The following SUPT3H variants were observed in gnomAD, a reference collection of about 807,000 sequenced individuals.
SUPT3H encodes SPT3 homolog, SAGA and STAGA complex component.
A neutral mutation model predicts 44.3 loss-of-function variants in SUPT3H; 44 were observed. The ratio of observed to expected loss-of-function variants is 0.99; its 90% confidence interval spans 0.78 to 1.28. The LOEUF is 1.28. Among genes scored for constraint, SUPT3H ranks in the 50% most tolerant of loss-of-function variants. The pLI is 0.00. For synonymous variants in SUPT3H, 124 were observed against 125.6 expected, an observed-to-expected ratio of 0.99 and a Z score of 0.09; for missense variants, 380 against 387.1, an observed-to-expected ratio of 0.98 and a Z score of 0.15.
At chr6:44,964,676 C>G (rs1776536073) in intron 6 of SUPT3H, among the ~76,000 whole-genome samples, 1 of 152,080 alleles carries the variant, frequency 6.6e-6, no homozygotes, top group Admixed American at 6.6e-5. Context: ...TTTTTTAATT[C>G]CTCCAGCATC....
intron 10 of SUPT3H, among the ~76,000 whole-genome samples, chr6:44,876,877 T>G (rs1485874582): frequency 3.4e-5 from 5 of 145,588 alleles, no homozygotes. Flanking sequence ...GTGTATGACA[T>G]TGTATGAAAA....
chr6:44,916,110 CAT>C (rs908649323), intron 10 of SUPT3H, among the ~76,000 whole-genome samples: 2 of 152,226 alleles, frequency 1.3e-5, no homozygotes, highest in African/African-American at 4.8e-5. Flanking sequence ...TGTACAAAGA[CAT>C]ATTTTAAGAG....
At chr6:45,054,999 T>C (rs1270910466) in intron 3 of SUPT3H, among the ~76,000 whole-genome samples, 5 of 151,886 alleles carry the variant, frequency 3.3e-5, no homozygotes, top group Non-Finnish European at 7.4e-5. Flanking sequence ...TTAAGCATAA[T>C]AGCAACTATT....
intron 6 of SUPT3H, among the ~76,000 whole-genome samples, chr6:44,989,455 G>GCTT (rs1322964040): frequency 6.6e-6 from 1 of 152,108 alleles, no homozygotes; most frequent in Admixed American, 6.6e-5. Flanking sequence ...GAATTATGCT[G>GCTT]CAATGAACAT....
chr6:45,034,130 G>A (rs974314446), intron 3 of SUPT3H, among the ~76,000 whole-genome samples: 9 of 152,064 alleles, frequency 5.9e-5, no homozygotes, highest in African/African-American at 2.2e-4. Flanking sequence ...GGAGATTGTG[G>A]TGCCTCCTCA....
chr6:45,006,275 C>T (rs1782706301), intron 5 of SUPT3H, among the ~76,000 whole-genome samples: 1 of 151,712 alleles, frequency 6.6e-6, no homozygotes, highest in Non-Finnish European at 1.5e-5. Context: ...GAATTTAATC[C>T]ATTTCATAAT....
At chr6:45,036,234 G>T (rs1787652514) in intron 3 of SUPT3H, among the ~76,000 whole-genome samples, 1 of 152,122 alleles carries the variant, frequency 6.6e-6, no homozygotes, top group Non-Finnish European at 1.5e-5. Context: ...GGTGAGGGGA[G>T]TTTGTGGATT....
intron 2 of SUPT3H, among the ~76,000 whole-genome samples, chr6:45,125,230 T>C (rs1172584991): frequency 6.6e-6 from 1 of 152,222 alleles, no homozygotes; most frequent in Non-Finnish European, 1.5e-5. Flanking sequence ...TGTTTTTCAC[T>C]TTGTAATTCT....
chr6:44,819,879 C>G (rs938149670), intron 11 of SUPT3H, among the ~76,000 whole-genome samples: 1 of 152,160 alleles, frequency 6.6e-6, no homozygotes, highest in Non-Finnish European at 1.5e-5. Context: ...AATAAAAATG[C>G]TAACCTGGAG....
At chr6:44,936,311 G>A (rs1007691857) in intron 9 of SUPT3H, among the ~76,000 whole-genome samples, 1 of 152,156 alleles carries the variant, frequency 6.6e-6, no homozygotes, top group African/African-American at 2.4e-5. Flanking sequence ...CTGTTAAAAT[G>A]TAGTTCTTAT....
At chr6:45,198,097 T>C (rs547433400) in intron 2 of SUPT3H, among the ~76,000 whole-genome samples, 8 of 151,438 alleles carry the variant, frequency 5.3e-5, no homozygotes, top group Non-Finnish European at 8.9e-5. Flanking sequence ...TGAAATGTTA[T>C]ATGCTTTGAA....
At chr6:45,228,906 C>T (rs9367220) in intron 2 of SUPT3H, among the ~76,000 whole-genome samples, 1 of 152,140 alleles carries the variant, frequency 6.6e-6, no homozygotes, top group East Asian at 1.9e-4. Context: ...TCTGAAAGTG[C>T]TGGGATTACA....
chr6:45,018,155 A>G lies in SUPT3H; in HGVS notation c.273+2391T>C, dbSNP rs540781697. On this transcript the variant is annotated intron_variant, in intron 4 of 10. Transcript: ENST00000371459. ...TGAGTTGGCTCTCTGTTTGTCTGTT[A>G]TTGGTGTATAAGAATGCTTGTGATT... Among the ~76,000 whole-genome samples the G allele has an allele frequency of 1.8e-3, 277 of 151,668 alleles. 7 individuals carry two copies. In the East Asian group the frequency reaches 0.049, roughly 27 times the overall value.
intron 3 of SUPT3H, among the ~76,000 whole-genome samples, chr6:45,065,682 C>T (rs1793156832): frequency 6.6e-6 from 1 of 151,072 alleles, no homozygotes; most frequent in Non-Finnish European, 1.5e-5. Flanking sequence ...CTACAAACAC[C>T]TCTACGCAAA....
At chr6:45,114,821 C>G (rs572629627) in intron 2 of SUPT3H, among the ~76,000 whole-genome samples, 3 of 152,126 alleles carry the variant, frequency 2.0e-5, no homozygotes, top group Admixed American at 6.5e-5. Flanking sequence ...AAAAAATAAT[C>G]TAAAAGATTA....
chr6:44,864,315 C>T (rs1775143766), intron 10 of SUPT3H, among the ~76,000 whole-genome samples: 1 of 152,118 alleles, frequency 6.6e-6, no homozygotes, highest in Admixed American at 6.5e-5. Flanking sequence ...GGCTACTGGC[C>T]CCATGGTGCA....
At chr6:45,128,533 A>AAAAATAT (rs1554257896) in intron 2 of SUPT3H, among the ~76,000 whole-genome samples, 11 of 52,194 alleles carry the variant, frequency 2.1e-4, no homozygotes, top group African/African-American at 2.1e-4. Context: ...AAAAAAAAAA[A>AAAAATAT]ATATATATAT....
rs151095031 is a variant in SUPT3H, at chr6:45,096,000, T to C, written c.186+9922A>G. Among the ~76,000 whole-genome samples, 9 of 152,224 alleles carry C rather than the reference T, an allele frequency of 5.9e-5. No individual in the cohort carries two copies. Among genetic ancestry groups the C allele is most frequent in the African/African-American group, 1.9e-4 (8 of 41,552 alleles). The stretch of plus-strand genomic sequence containing the variant: ...CATTATTAACGACAATAGCAACTAT[T>C]ACTACTGTTACTAGTAACCTAGAGA... On this transcript the variant is annotated intron_variant, in intron 3 of 10. Transcript: ENST00000371459. This position sits in a 1 kb window ranked among gnomAD's most constrained non-coding sequence, Gnocchi z 4.1.
At chr6:45,225,732 T>G (rs992159909) in intron 2 of SUPT3H, among the ~76,000 whole-genome samples, 17 of 152,196 alleles carry the variant, frequency 1.1e-4, no homozygotes, top group Admixed American at 6.5e-5. Flanking sequence ...TGCTGTAGAA[T>G]AAAACATACA....
Sources: allele counts gnomAD v4.1 joint callset (sites outside exome capture counted in the v4.1 genomes callset), GRCh38; gene constraint gnomAD v4.1.1; non-coding constraint Gnocchi (gnomAD v3.1); transcripts MANE v1.5; gene names NCBI Gene and HGNC (gene_info 2026-07-23, HGNC 2026-07-21).